The following KIF17 variants were observed in gnomAD, a reference collection of about 807,000 sequenced individuals.
The protein encoded by KIF17 is kinesin family member 17, also known as kinesin-like protein KIF17.
A neutral mutation model predicts 96.8 loss-of-function variants in KIF17; 80 were observed. That is an observed-to-expected ratio of 0.83 (90% CI 0.69 to 1.00). The LOEUF (loss-of-function observed/expected upper bound fraction) is 1.00, where lower values mean the gene tolerates loss of function less well. Ranked by LOEUF, KIF17 falls within the 50% of genes least tolerant of loss-of-function variation. The pLI, the probability that KIF17 is intolerant of heterozygous loss-of-function variation, is 0.00. For synonymous variants in KIF17, 567 were observed against 587.5 expected, an observed-to-expected ratio of 0.97 and a Z score of 0.51; for missense variants, 1,280 against 1,372.9, an observed-to-expected ratio of 0.93 and a Z score of 1.07.
At chr1:20,682,491 C>CA (rs2053846781) in intron 11 of KIF17, among the ~76,000 whole-genome samples, 162 bp downstream of exon 11, 1 of 152,186 alleles carries the variant, frequency 6.6e-6, no homozygotes, top group African/African-American at 2.4e-5. Context: ...GCCTGGGCGA[C>CA]AGAGAGACCC....
chr1:20,670,802 G>C lies in KIF17; in HGVS notation c.2723-314C>G, dbSNP rs553647744. Among the ~76,000 whole-genome samples, 335 of 152,276 alleles carry C rather than the reference G, an allele frequency of 2.2e-3. 3 individuals are homozygous for C. Among genetic ancestry groups the C allele is most frequent in the African/African-American group, 7.7e-3 (320 of 41,556 alleles). The stretch of plus-strand genomic sequence containing the variant: ...TGGAGGCGGGCTGGGGTCTCAGCAG[G>C]GATGGTGTCAATAAACATCAGAGAT... On this transcript the variant is annotated intron_variant, in intron 12 of 14. Coordinates refer to ENST00000400463, the MANE Select transcript of KIF17 (RefSeq NM_001122819.3).
At chr1:20,694,682 G>A (rs2076856) in intron 6 of KIF17, among the ~76,000 whole-genome samples, 9,072 of 152,264 alleles carry the variant, frequency 0.06, 704 homozygotes, top group African/African-American at 0.18. Flanking sequence ...AGAAGGGGAC[G>A]GAGAATAATT....
In KIF17 at chr1:20,704,977, G is replaced by A; in HGVS notation, c.671-78C>T. The A allele has an allele frequency of 1.5e-6, 2 of 1,304,734 alleles. No individual in the cohort carries two copies. Among genetic ancestry groups the A allele is most frequent in the Non-Finnish European group, 1.1e-6 (1 of 918,394 alleles). The allele number at this position is 1,304,734 out of a possible 1,614,324, so 80.8% of individuals were successfully genotyped here. A position where few individuals can be genotyped will look rare whatever the true frequency, so the allele number is the denominator to read the frequency against. ...GAGGGCAATCAGTGCCAGGCACTGG[G>A]TGCTCAATGCCCACCCACCGAGGGT... On this transcript the variant is annotated intron_variant, in intron 4 of 14. Transcript: ENST00000400463. This position sits in a 1 kb window ranked among gnomAD's most constrained non-coding sequence, Gnocchi z 6.8.
At chr1:20,683,045 C>G (rs1206273418) in intron 10 of KIF17, among the ~76,000 whole-genome samples, 161 bp from the exon 11 acceptor site, 1 of 152,220 alleles carries the variant, frequency 6.6e-6, no homozygotes, top group East Asian at 1.9e-4. Flanking sequence ...GCTGCTTGCT[C>G]AGGGTCACAA....
At chr1:20,701,740 G>C (rs1361196107) in intron 5 of KIF17, among the ~76,000 whole-genome samples, 1 of 152,176 alleles carries the variant, frequency 6.6e-6, no homozygotes, top group Non-Finnish European at 1.5e-5. Flanking sequence ...TGCTGAGACG[G>C]CAAGGTGAGG....
chr1:20,679,079 A>C (rs1413961085), intron 11 of KIF17, among the ~76,000 whole-genome samples: 2 of 151,036 alleles, frequency 1.3e-5, no homozygotes, highest in Non-Finnish European at 2.9e-5. Context: ...TGGGAGGCTG[A>C]GGCCGGCAGA....
Position 20,709,713 on chromosome 1 carries a change from C to T in KIF17, c.596G>A (p.Gly199Asp), listed in dbSNP as rs1354632834. 7 of 1,613,962 alleles carry T rather than the reference C, an allele frequency of 4.3e-6. No individual in the cohort carries two copies. The highest frequency in any genetic ancestry group is 5.9e-6 in the Non-Finnish European group (7 of 1,180,016). ...METGWKNRSV[G>D]YTLMNKDSSR... is the part of the protein sequence containing the mutation. ...GGAATCCTTGTTCATCAGCGTGTAG[C>T]CGACCGAACGGTTCTTCCAGCCAGT... The change falls in exon 4 of 15, where the codon GGC (glycine) becomes GAC (aspartate). Residue 199 changes from glycine to aspartate, a missense_variant. Gly to Asp is a moderately conservative substitution (Grantham distance 94). Transcript: ENST00000400463. The surrounding 1 kb of genome is among the most constrained non-coding windows in gnomAD (Gnocchi z 4.7).
At chr1:20,663,703 C>A (rs996099272), downstream of KIF17, among the ~76,000 whole-genome samples, 1 of 152,226 alleles carries the variant, frequency 6.6e-6, no homozygotes, top group African/African-American at 2.4e-5. Context: ...CTGGCTATAT[C>A]AGGACACCCA....
intron 4 of KIF17, among the ~76,000 whole-genome samples, chr1:20,705,315 C>G (rs900179853): frequency 6.6e-6 from 1 of 152,202 alleles, no homozygotes; most frequent in African/African-American, 2.4e-5. Context: ...CAGAAAACAT[C>G]TGCTTTGGAG....
intron 10 of KIF17, among the ~76,000 whole-genome samples, chr1:20,683,811 G>A (rs892311685): frequency 3.3e-5 from 5 of 152,136 alleles, no homozygotes; most frequent in South Asian, 2.1e-4. Context: ...GTCTCCAAAT[G>A]CCCGGGCCGG....
rs936694086 is a variant in KIF17 at position 20,704,490 on chromosome 1, G to A, written c.1080C>T (p.Leu360=). 1.2e-6 allele frequency: 2 copies of A among 1,614,182 alleles called. No individual in the cohort carries two copies. Among genetic ancestry groups the A allele is most frequent in the East Asian group, 2.2e-5 (1 of 44,882 alleles). Residue 360 remains leucine (L), a synonymous_variant, in exon 5 of 15, where the codon CTC becomes CTT. Coordinates refer to ENST00000400463, the MANE Select transcript of KIF17 (RefSeq NM_001122819.3). This position sits in a 1 kb window ranked among gnomAD's most constrained non-coding sequence, Gnocchi z 6.8. ...LREYQEEIKK[L]KAILTQQMSP... Reference sequence around the variant, plus strand: ...TCATCTGCTGTGTCAGGATGGCCTTGAGCTTCTTGATCTCCTCCTGGTACT... The same window carrying A: ...TCATCTGCTGTGTCAGGATGGCCTTAAGCTTCTTGATCTCCTCCTGGTACT...
chr1:20,698,193 G>A (rs1202772901), intron 6 of KIF17, among the ~76,000 whole-genome samples, 186 bp downstream of exon 6: 1 of 152,188 alleles, frequency 6.6e-6, no homozygotes, highest in African/African-American at 2.4e-5. Flanking sequence ...TTCAAATCCT[G>A]GCTCAGACTC....
rs1288491634 is a variant in KIF17, at chr1:20,684,987, C to T, written c.2053G>A (p.Val685Met). ...VDLASEVALE[V>M]VRTAEPGVWL... ...ACGCCAGGCTCTGCTGTCCGCACCA[C>T]CTCTAAGGCCACTTCCGAGGCCAGA... Residue 685 changes from valine (V) to methionine (M), a missense_variant, in exon 10 of 15, where the codon GTG becomes ATG. Transcript: ENST00000400463. 8 of 1,604,832 alleles carry T rather than the reference C, an allele frequency of 5.0e-6. No individual in the cohort carries two copies. Among genetic ancestry groups the T allele is most frequent in the Non-Finnish European group, 6.0e-6 (7 of 1,175,990 alleles).
intron 11 of KIF17, among the ~76,000 whole-genome samples, chr1:20,679,302 C>A (rs1459950727): frequency 6.6e-6 from 1 of 151,918 alleles, no homozygotes; most frequent in African/African-American, 2.4e-5. Context: ...AAGACCCCTC[C>A]GCTACAAAAA....
At chr1:20,675,725 GTA>G (rs1385630005) in intron 11 of KIF17, among the ~76,000 whole-genome samples, 1 of 152,302 alleles carries the variant, frequency 6.6e-6, no homozygotes, top group East Asian at 1.9e-4. Context: ...ACTCTAATGG[GTA>G]TTGCCTTGAA....
intron 8 of KIF17, among the ~76,000 whole-genome samples, chr1:20,686,992 C>T (rs1382379121): frequency 1.3e-5 from 2 of 152,026 alleles, no homozygotes; most frequent in Non-Finnish European, 2.9e-5. Context: ...TCCCACAGAC[C>T]CCCCACCCAG....
chr1:20,713,692 C>T (rs1044856165), intron 2 of KIF17, 137 bp from the exon 3 acceptor site: 3 of 714,078 alleles, frequency 4.2e-6, no homozygotes, highest in African/African-American at 1.7e-5. Context: ...GAGGAGTCTC[C>T]AACCCAACCC....
At chr1:20,691,287 G>A (rs902572996) in intron 6 of KIF17, among the ~76,000 whole-genome samples, 37 of 151,454 alleles carry the variant, frequency 2.4e-4, no homozygotes, top group Admixed American at 9.2e-4. Context: ...GTGATACTCC[G>A]TCTCAAAAAT....
chr1:20,690,098 T>C, intron 7 of KIF17, 90 bp downstream of exon 7: 2 of 1,418,882 alleles, frequency 1.4e-6, no homozygotes, highest in South Asian at 1.2e-5. Flanking sequence ...TCCTCGGGTG[T>C]AGAAAATGCT....
Sources: allele counts gnomAD v4.1 joint callset (sites outside exome capture counted in the v4.1 genomes callset), GRCh38; gene constraint gnomAD v4.1.1; non-coding constraint Gnocchi (gnomAD v3.1); transcripts MANE v1.5; gene names NCBI Gene and HGNC (gene_info 2026-07-23, HGNC 2026-07-21).